The following NAALADL2 variants were observed in gnomAD, a reference collection of about 807,000 sequenced individuals.
NAALADL2 encodes the protein N-acetylated alpha-linked acidic dipeptidase like 2, also known as inactive N-acetylated-alpha-linked acidic dipeptidase-like protein 2.
In NAALADL2, 76 loss-of-function variants were observed where a neutral mutation model predicts 87.2. The observed-to-expected ratio is 0.87, with a 90% CI of 0.72 to 1.05. The LOEUF (loss-of-function observed/expected upper bound fraction) is 1.05, where lower values mean the gene tolerates loss of function less well. NAALADL2 is among the 50% of genes least tolerant of loss of function. The pLI is 0.00. For synonymous variants in NAALADL2, 354 were observed against 331.0 expected, an observed-to-expected ratio of 1.07 and a Z score of -0.75; for missense variants, 1,089 against 945.8, an observed-to-expected ratio of 1.15 and a Z score of -1.99.
intron 1 of NAALADL2, among the ~76,000 whole-genome samples, chr3:174,888,160 T>G (rs1396414105): frequency 6.6e-6 from 1 of 152,154 alleles, no homozygotes; most frequent in East Asian, 1.9e-4. Flanking sequence ...AGACAAGACC[T>G]TGAAACTTTT....
intron 1 of NAALADL2, among the ~76,000 whole-genome samples, chr3:174,941,906 G>C (rs1375792502): frequency 2.6e-5 from 4 of 152,048 alleles, no homozygotes; most frequent in Non-Finnish European, 2.9e-5. Context: ...TCATGTGTGA[G>C]ATGACTCTCT....
At chr3:174,570,314 T>C (rs1025513741) in intron 2 of NAALADL2, among the ~76,000 whole-genome samples, 1 of 152,154 alleles carries the variant, frequency 6.6e-6, no homozygotes, top group Non-Finnish European at 1.5e-5. Context: ...TTTAAACATA[T>C]ATTTTCTACA....
intron 2 of NAALADL2, among the ~76,000 whole-genome samples, chr3:174,681,636 A>G (rs929507536): frequency 1.3e-5 from 2 of 152,180 alleles, no homozygotes; most frequent in African/African-American, 2.4e-5. Flanking sequence ...TTCTGGCAGC[A>G]TTCCTCGTTT....
chr3:174,904,450 A>C (rs547877796), intron 1 of NAALADL2, among the ~76,000 whole-genome samples: 2 of 152,024 alleles, frequency 1.3e-5, no homozygotes, highest in Middle Eastern at 3.4e-3. Flanking sequence ...CTATGAAGCA[A>C]GTAAACACCA....
intron 13 of NAALADL2, among the ~76,000 whole-genome samples, chr3:175,757,210 T>G (rs934234076): frequency 6.6e-6 from 1 of 152,018 alleles, no homozygotes; most frequent in African/African-American, 2.4e-5. Flanking sequence ...AAACAAAGGT[T>G]ATAACTAGGA....
chr3:175,498,502 A>G (rs1729120553), intron 9 of NAALADL2, among the ~76,000 whole-genome samples: 2 of 152,014 alleles, frequency 1.3e-5, no homozygotes, highest in Admixed American at 1.3e-4. Context: ...CTCTACTAAG[A>G]ATAATATTTT....
chr3:175,150,986 T>C (rs956172813), intron 2 of NAALADL2, among the ~76,000 whole-genome samples: 14 of 152,272 alleles, frequency 9.2e-5, no homozygotes, highest in Admixed American at 2.6e-4. Flanking sequence ...TGCTGGGGGT[T>C]GTAGCTGAAG....
chr3:174,502,831 C>T (rs969034126), intron 1 of NAALADL2, among the ~76,000 whole-genome samples: 6 of 151,960 alleles, frequency 3.9e-5, no homozygotes, highest in Non-Finnish European at 8.8e-5. Context: ...AAGTTCGAGA[C>T]CAGCCTGGCC....
chr3:175,749,634 T>C (rs1261857638), intron 12 of NAALADL2, among the ~76,000 whole-genome samples: 1 of 152,220 alleles, frequency 6.6e-6, no homozygotes, highest in African/African-American at 2.4e-5. Flanking sequence ...CAAGGCCTAA[T>C]GGCCTCTGAA....
At chr3:175,212,775 T>A (rs1741950400) in intron 2 of NAALADL2, among the ~76,000 whole-genome samples, 1 of 152,120 alleles carries the variant, frequency 6.6e-6, no homozygotes, top group Admixed American at 6.6e-5. Context: ...AAAAGCCTAT[T>A]TTTACCTAGA....
rs191362791 is a variant in NAALADL2, at chr3:175,497,773, T to A, written c.1653+26015T>A. 2.0e-3 allele frequency among the ~76,000 whole-genome samples: 298 copies of A among 152,264 alleles called. 1 individual carries two copies. The highest frequency in any genetic ancestry group is 6.1e-3 in the African/African-American group (252 of 41,562). ...CTTATTTTTAAAAATGCATATGCAG[T>A]ATATAAGTGTTGTAATATAGGTGCT... is the stretch of plus-strand genomic sequence containing the variant. On this transcript the variant is annotated intron_variant, in intron 9 of 13. Coordinates refer to ENST00000454872, the MANE Select transcript of NAALADL2 (RefSeq NM_207015.3).
intron 4 of NAALADL2, among the ~76,000 whole-genome samples, chr3:175,307,462 T>C (rs976953500): frequency 2.6e-5 from 4 of 152,190 alleles, no homozygotes; most frequent in African/African-American, 4.8e-5. Flanking sequence ...TCTGGAATAT[T>C]CTTGTACCCT....
chr3:175,260,858 T>C (rs982601043), intron 4 of NAALADL2, among the ~76,000 whole-genome samples: 7 of 152,134 alleles, frequency 4.6e-5, no homozygotes, highest in African/African-American at 1.7e-4. Flanking sequence ...TAATCTGCAG[T>C]CATGAAGGAG....
intron 5 of NAALADL2, among the ~76,000 whole-genome samples, chr3:175,333,705 G>T (rs1210243174): frequency 6.6e-6 from 1 of 151,424 alleles, no homozygotes; most frequent in African/African-American, 2.4e-5. Flanking sequence ...ATGAAGAGAG[G>T]TTGGTCAGTT....
intron 3 of NAALADL2, among the ~76,000 whole-genome samples, chr3:174,838,421 T>G (rs1452329987): frequency 6.6e-6 from 1 of 152,134 alleles, no homozygotes; most frequent in African/African-American, 2.4e-5. Context: ...TCATTCCCTG[T>G]GAGAAATCGA....
At chr3:175,481,164 C>T (rs374099987) in intron 9 of NAALADL2, among the ~76,000 whole-genome samples, 18 of 151,852 alleles carry the variant, frequency 1.2e-4, no homozygotes, top group African/African-American at 3.9e-4. Flanking sequence ...TATGGGAATT[C>T]ATTGTAATAT....
chr3:175,224,103 C>T (rs552874034), intron 2 of NAALADL2, among the ~76,000 whole-genome samples: 9 of 152,082 alleles, frequency 5.9e-5, no homozygotes, highest in East Asian at 5.8e-4. Context: ...CTATTGCAAG[C>T]GCAACCTGCA....
chr3:175,465,890 G>T (rs1434599566), intron 7 of NAALADL2, among the ~76,000 whole-genome samples: 4 of 152,208 alleles, frequency 2.6e-5, no homozygotes, highest in African/African-American at 9.6e-5. Flanking sequence ...AAGTCAAAGG[G>T]TGATTCATTT....
intron 3 of NAALADL2, among the ~76,000 whole-genome samples, chr3:174,743,414 T>C (rs1052567109): frequency 6.6e-6 from 1 of 151,824 alleles, no homozygotes; most frequent in Non-Finnish European, 1.5e-5. Flanking sequence ...TAAAATTGAA[T>C]TGGATTCCAA....
Sources: allele counts gnomAD v4.1 joint callset (sites outside exome capture counted in the v4.1 genomes callset), GRCh38; gene constraint gnomAD v4.1.1; transcripts MANE v1.5; gene names NCBI Gene and HGNC (gene_info 2026-07-23, HGNC 2026-07-21).